CBFA2T3: variants seen among roughly 807,000 people sequenced by gnomAD.
The protein encoded by CBFA2T3 is CBFA2/RUNX1 partner transcriptional co-repressor 3, also known as transcriptional corepressor CBFA2T3.
CBFA2T3 carries 31 observed loss-of-function variants against 58.6 expected under a neutral mutation model. The observed-to-expected ratio is 0.53, with a 90% CI of 0.40 to 0.71. CBFA2T3 has a LOEUF of 0.71. Among genes scored for constraint, CBFA2T3 ranks in the 30% least tolerant of loss-of-function variants. CBFA2T3 has a pLI of 0.00. For synonymous variants in CBFA2T3, 531 were observed against 421.9 expected, an observed-to-expected ratio of 1.26 and a Z score of -3.17; for missense variants, 1,076 against 963.1, an observed-to-expected ratio of 1.12 and a Z score of -1.55.
chr16:88,899,807 G>A (rs1252125514), intron 2 of CBFA2T3, among the ~76,000 whole-genome samples: 1 of 152,194 alleles, frequency 6.6e-6, no homozygotes, highest in African/African-American at 2.4e-5. Flanking sequence ...CCCATGGCCG[G>A]GTCTCCCGTG....
At chr16:88,896,943 C>T (rs939911916) in intron 3 of CBFA2T3, among the ~76,000 whole-genome samples, 20 of 152,368 alleles carry the variant, frequency 1.3e-4, no homozygotes, top group African/African-American at 4.6e-4. Context: ...CAAAAATAAC[C>T]CCGGCACAAG....
intron 1 of CBFA2T3, among the ~76,000 whole-genome samples, chr16:88,968,025 G>C (rs1168647390): frequency 6.6e-6 from 1 of 152,244 alleles, no homozygotes. Context: ...TTCGCACCAT[G>C]ACTAAAGTGA....
In CBFA2T3 at chr16:88,917,868, G is replaced by A. The variant is rs371489960; in HGVS notation, c.152-16212C>T. Among the ~76,000 whole-genome samples, 25 of 150,398 alleles carry A rather than the reference G, an allele frequency of 1.7e-4. No homozygotes were observed. The South Asian group carries it at 2.7e-3, about 16-fold the overall frequency. On this transcript the variant is annotated intron_variant, in intron 1 of 11. Coordinates refer to ENST00000268679, the MANE Select transcript of CBFA2T3 (RefSeq NM_005187.6). ...TGGACGACAGAGTGGGTGCGGAGGA[G>A]AGCGTGGGTGCGGACGAGAGTGTGG...
At chr16:88,963,253 A>ATCTTCTGCCAGGTGTGGGCGCTCG (rs1972413309) in intron 1 of CBFA2T3, among the ~76,000 whole-genome samples, 1 of 114,842 alleles carries the variant, frequency 8.7e-6, no homozygotes, top group African/African-American at 3.6e-5. Context: ...GTGGGCGCTC[A>ATCTTCTGCCAGGTGTGGGCGCTCG]TCTTCTGCCA....
At chr16:88,904,641 TCCTCC>T (rs1337794042) in intron 1 of CBFA2T3, among the ~76,000 whole-genome samples, 2 of 152,124 alleles carry the variant, frequency 1.3e-5, no homozygotes, top group African/African-American at 4.8e-5. Context: ...GCTGGTGGTG[TCCTCC>T]CCTCCGTTCT....
chr16:88,976,798 AAGCCGGCATGAGGAGGG>A lies in CBFA2T3; in HGVS notation c.-8_9del, dbSNP rs1466995023. 6.4e-7 allele frequency: 1 copy of A among 1,553,494 alleles called. No individual in the cohort carries two copies. The highest frequency in any genetic ancestry group is 1.4e-5 in the African/African-American group (1 of 73,642). ...CTGGCTGCCCTGTCCCTCAGTCTTGAAGCCGGCATGAGGAGGGCCACCCTCAGGGGCCAACCTGGAGC... is the reference window on the plus strand; with the variant it reads ...CTGGCTGCCCTGTCCCTCAGTCTTGACCACCCTCAGGGGCCAACCTGGAGC... On this transcript the variant is annotated start_lost and 5_prime_UTR_variant, in exon 1 of 12. Coordinates refer to ENST00000268679, the MANE Select transcript of CBFA2T3 (RefSeq NM_005187.6).
chr16:88,905,077 C>T (rs1970254311), intron 1 of CBFA2T3, among the ~76,000 whole-genome samples: 1 of 151,988 alleles, frequency 6.6e-6, no homozygotes, highest in South Asian at 2.1e-4. Context: ...GCATTTGTGG[C>T]CAAGAGAACA....
chr16:88,907,695 C>T (rs1970385311), intron 1 of CBFA2T3, among the ~76,000 whole-genome samples: 1 of 152,228 alleles, frequency 6.6e-6, no homozygotes, highest in South Asian at 2.1e-4. Flanking sequence ...GAGGCACCTG[C>T]CCTCCTGGCC....
At position 88,879,363 on chromosome 16, in the gene CBFA2T3, C is replaced by T. The variant is rs1567572104; in HGVS notation, c.1569G>A (p.Glu523=). Residue 523 remains glutamate (E), a synonymous_variant, in exon 11 of 12, where the codon GAG becomes GAA. Coordinates refer to ENST00000268679, the MANE Select transcript of CBFA2T3 (RefSeq NM_005187.6). ...ERKAHELITT[E]RAKMERALAE... ...CCAGGGCCCGCTCCATCTTGGCACG[C>T]TCCGTGGTGATGAGCTCGTGCGCTT... 6.2e-7 allele frequency: 1 copy of T among 1,612,924 alleles called. No homozygotes were observed. The highest frequency in any genetic ancestry group is 1.7e-5 in the Admixed American group (1 of 60,000).
intron 11 of CBFA2T3, 132 bp from the exon 12 acceptor site, chr16:88,877,407 G>A: frequency 1.4e-6 from 1 of 712,178 alleles, no homozygotes; most frequent in Non-Finnish European, 2.3e-6. Context: ...AAGCCCCACA[G>A]CCCTCGGGCC....
At chr16:88,916,955 A>C (rs1399653012) in intron 1 of CBFA2T3, among the ~76,000 whole-genome samples, 1 of 151,800 alleles carries the variant, frequency 6.6e-6, no homozygotes, top group Non-Finnish European at 1.5e-5. Flanking sequence ...TTTTAGAAAA[A>C]GAGGGCTGCT....
At chr16:88,943,310 A>T (rs546517547) in intron 1 of CBFA2T3, among the ~76,000 whole-genome samples, 66 of 152,334 alleles carry the variant, frequency 4.3e-4, no homozygotes, top group African/African-American at 1.5e-3. Flanking sequence ...CACCAGCGGC[A>T]CGTCCGTGGT....
At chr16:88,928,332 C>T (rs931168683) in intron 1 of CBFA2T3, among the ~76,000 whole-genome samples, 6 of 152,198 alleles carry the variant, frequency 3.9e-5, no homozygotes, top group South Asian at 2.1e-4. Context: ...CCTTGGGGGC[C>T]GATGACCAGG....
At chr16:88,935,802 G>A (rs1389468325) in intron 1 of CBFA2T3, among the ~76,000 whole-genome samples, 2 of 152,230 alleles carry the variant, frequency 1.3e-5, no homozygotes, top group African/African-American at 4.8e-5. Context: ...CGAGGCTGAT[G>A]GTCCCAGTCC....
chr16:88,881,473 A>G lies in CBFA2T3; in HGVS notation c.1220T>C (p.Met407Thr), dbSNP rs766144998. 1.2e-6 allele frequency: 2 copies of G among 1,607,668 alleles called. No homozygotes were observed. The highest frequency in any genetic ancestry group is 2.2e-5 in the South Asian group (2 of 90,948). Residue 407 changes from methionine to threonine, a missense_variant, in exon 9 of 12, where the codon ATG (methionine) becomes ACG (threonine). Coordinates refer to ENST00000268679, the MANE Select transcript of CBFA2T3 (RefSeq NM_005187.6). ...KHLNNLLNCI[M>T]DMVEKTRRSL... ...GCGCCGCGTCTTCTCCACCATGTCC[A>G]TGATGCAGTTCAGGAGCTGGGGGCG...
At position 88,881,413 on chromosome 16, in the gene CBFA2T3, T is replaced by A. The variant is rs775535175; in HGVS notation, c.1280A>T (p.Asp427Val). 1 of 1,608,114 alleles carries A rather than the reference T, an allele frequency of 6.2e-7. No homozygotes were observed. Among genetic ancestry groups the A allele is most frequent in the Admixed American group, 1.7e-5 (1 of 59,718 alleles). The part of the protein sequence containing the change: ...LTVLRRCQEA[D>V]REELNHWARR... ...CGCCCAGTGGTTGAGCTCCTCGCGG[T>A]CGGCCTCCTGGCACCTGCGCAGCAC... Residue 427 changes from aspartate (D) to valine (V), a missense_variant, in exon 9 of 12, where the codon GAC (aspartate) becomes GTC (valine). Transcript: ENST00000268679.
chr16:88,902,132 T>C (rs564669), intron 1 of CBFA2T3, among the ~76,000 whole-genome samples: 61,463 of 152,032 alleles, frequency 0.4, 13,187 homozygotes, highest in African/African-American at 0.55. Flanking sequence ...GCTGCTGGTC[T>C]GGCCCTGGAA....
rs770556106 is a variant in CBFA2T3 at position 88,877,240 on chromosome 16, C to T, written c.1698G>A (p.Thr566=). The change falls in exon 12 of 12, where the codon ACG becomes ACA. Residue 566 remains threonine (T), a synonymous_variant. Transcript: ENST00000268679. ...AGCGTGCCGCGTTGCAGCCGCTGCACGTCTCACTGGCTTTCCGCCCGCAGT... is the reference window on the plus strand; with the variant it reads ...AGCGTGCCGCGTTGCAGCCGCTGCATGTCTCACTGGCTTTCCGCCCGCAGT... ...CWNCGRKASE[T]CSGCNAARYC... is the part of the protein sequence containing the mutation. 2.1e-5 allele frequency: 33 copies of T among 1,555,366 alleles called. No homozygotes were observed. The highest frequency in any genetic ancestry group is 2.7e-5 in the African/African-American group (2 of 73,240).
At chr16:88,923,171 TG>T (rs1970977092) in intron 1 of CBFA2T3, among the ~76,000 whole-genome samples, 1 of 152,192 alleles carries the variant, frequency 6.6e-6, no homozygotes, top group Admixed American at 6.5e-5. Flanking sequence ...GTTGGCGAGC[TG>T]GGAGCACAGC....
Sources: allele counts gnomAD v4.1 joint callset (sites outside exome capture counted in the v4.1 genomes callset), GRCh38; gene constraint gnomAD v4.1.1; transcripts MANE v1.5; gene names NCBI Gene and HGNC (gene_info 2026-07-23, HGNC 2026-07-21).